Variants in CDC14B observed in about 807,000 individuals in gnomAD.
CDC14B encodes cell division cycle 14B, also known as dual specificity protein phosphatase CDC14B.
CDC14B carries 22 observed loss-of-function variants against 64.2 expected under a neutral mutation model. That is an observed-to-expected ratio of 0.34 (90% CI 0.24 to 0.49). The LOEUF is 0.49. CDC14B is among the 20% of genes least tolerant of loss of function. The pLI, the probability that CDC14B is intolerant of heterozygous loss-of-function variation, is 0.99. For missense variants in CDC14B, 498 were observed against 629.9 expected, an observed-to-expected ratio of 0.79 and a Z score of 2.24; for synonymous variants, 191 against 215.8, an observed-to-expected ratio of 0.89 and a Z score of 1.01.
chr9:96,593,365 T>C (rs776320598), intron 1 of CDC14B, among the ~76,000 whole-genome samples: 6 of 151,846 alleles, frequency 4.0e-5, no homozygotes, highest in Non-Finnish European at 8.8e-5. Context: ...TGCACACCTG[T>C]AGTACCAGCT....
At chr9:96,511,712 G>A (rs1167185283) in intron 12 of CDC14B, among the ~76,000 whole-genome samples, 1 of 152,166 alleles carries the variant, frequency 6.6e-6, no homozygotes, top group African/African-American at 2.4e-5. Flanking sequence ...TCTCACAGAG[G>A]GACATGAATC....
rs1835557026 is a variant in CDC14B at position 96,515,766 on chromosome 9, G to GC, written c.1344-5978dup. On this transcript the variant is annotated intron_variant, in intron 12 of 13. Transcript: ENST00000375241. This position sits in a 1 kb window ranked among gnomAD's most constrained non-coding sequence, Gnocchi z 4.3. ...CCACCAGATGACAACACTACACAGT[G>GC]CAGAGGTCAGCACAGCTAGGGGACA... is the stretch of plus-strand genomic sequence containing the variant. The GC allele has an allele frequency of 6.2e-7, 1 of 1,604,140 alleles. No individual in the cohort carries two copies. Among genetic ancestry groups the GC allele is most frequent in the Non-Finnish European group, 8.5e-7 (1 of 1,175,828 alleles).
intron 4 of CDC14B, among the ~76,000 whole-genome samples, 161 bp from the exon 5 acceptor site, chr9:96,552,033 T>C (rs1446537106): frequency 6.6e-6 from 1 of 152,232 alleles, no homozygotes; most frequent in Admixed American, 6.5e-5. Flanking sequence ...ATAGATTTCT[T>C]TTTTGTTTAA....
At chr9:96,579,781 A>G (rs1845032073) in intron 1 of CDC14B, among the ~76,000 whole-genome samples, 1 of 152,192 alleles carries the variant, frequency 6.6e-6, no homozygotes, top group Non-Finnish European at 1.5e-5. Context: ...TCTGTTGTCT[A>G]CACCACGCAG....
chr9:96,548,481 CACATACACACACACAT>C (rs1196275753), intron 5 of CDC14B, among the ~76,000 whole-genome samples: 2 of 152,016 alleles, frequency 1.3e-5, no homozygotes, highest in African/African-American at 4.8e-5. Context: ...ATCATATACA[CACATACACACACACAT>C]ACATACACAC....
chr9:96,569,038 C>T (rs1050070247), intron 1 of CDC14B, among the ~76,000 whole-genome samples: 2 of 152,102 alleles, frequency 1.3e-5, no homozygotes, highest in African/African-American at 2.4e-5. Context: ...TGGATGAAAT[C>T]GTAGGTAGCA....
intron 1 of CDC14B, among the ~76,000 whole-genome samples, chr9:96,581,398 G>A (rs1185733266): frequency 6.8e-6 from 1 of 146,608 alleles, no homozygotes; most frequent in Non-Finnish European, 1.5e-5. Context: ...GAGCCCAGGA[G>A]GTTGAGGCCA....
chr9:96,607,711 C>T (rs1847062850), intron 1 of CDC14B, among the ~76,000 whole-genome samples: 1 of 152,168 alleles, frequency 6.6e-6, no homozygotes, highest in South Asian at 2.1e-4. Flanking sequence ...GCGTGAGCCA[C>T]CGCGCCCGGC....
chr9:96,595,346 T>G (rs1846010014), intron 1 of CDC14B, among the ~76,000 whole-genome samples: 1 of 152,126 alleles, frequency 6.6e-6, no homozygotes, highest in Admixed American at 6.6e-5. Context: ...CTGCCAGGCA[T>G]ACAACGAAGC....
At chr9:96,585,223 TTTTAAC>T (rs1162697847) in intron 1 of CDC14B, among the ~76,000 whole-genome samples, 2 of 152,088 alleles carry the variant, frequency 1.3e-5, no homozygotes, top group South Asian at 2.1e-4. Flanking sequence ...CTTTTTTTTT[TTTTAAC>T]TTTAAGTTCT....
intron 1 of CDC14B, among the ~76,000 whole-genome samples, chr9:96,602,620 G>C (rs1001514244): frequency 2.9e-4 from 44 of 151,978 alleles, no homozygotes; most frequent in African/African-American, 1.1e-3. Context: ...ACTATCATGA[G>C]AACAGCACAG....
intron 1 of CDC14B, among the ~76,000 whole-genome samples, chr9:96,573,161 T>A (rs1214444375): frequency 6.6e-6 from 1 of 151,974 alleles, no homozygotes; most frequent in Non-Finnish European, 1.5e-5. Context: ...ATACAAAAAA[T>A]TAGCTGGGTA....
At chr9:96,519,734 A>C (rs1388765883) in intron 12 of CDC14B, among the ~76,000 whole-genome samples, 1 of 127,856 alleles carries the variant, frequency 7.8e-6, no homozygotes, top group Non-Finnish European at 1.5e-5. Context: ...CTGTCTTAAA[A>C]AAAAAAAAAA....
chr9:96,510,877 G>C (rs893723029), intron 12 of CDC14B, among the ~76,000 whole-genome samples: 2 of 152,004 alleles, frequency 1.3e-5, no homozygotes, highest in Non-Finnish European at 2.9e-5. Flanking sequence ...CAAAGTGCTG[G>C]GATTACAGGT....
intron 1 of CDC14B, among the ~76,000 whole-genome samples, chr9:96,583,114 A>C (rs1252075257): frequency 6.6e-6 from 1 of 152,156 alleles, no homozygotes; most frequent in Non-Finnish European, 1.5e-5. Context: ...TAATTCAAAT[A>C]CTGGGCATCA....
intron 9 of CDC14B, among the ~76,000 whole-genome samples, chr9:96,526,521 T>C (rs966711701): frequency 6.6e-6 from 1 of 152,172 alleles, no homozygotes; most frequent in African/African-American, 2.4e-5. Context: ...TCCAGAACTG[T>C]GAGAGAATTA....
In CDC14B at chr9:96,513,675, A is replaced by C. The variant is rs1835221526; in HGVS notation, c.1344-3886T>G. ...GAACATAAATGTCCAATTCCAAGAA[A>C]AAAATCCATCAGGGCAACTATGCAC... On this transcript the variant is annotated intron_variant, in intron 12 of 13. Transcript: ENST00000375241. Among the ~76,000 whole-genome samples, 3 of 152,218 alleles carry C rather than the reference A, an allele frequency of 2.0e-5. No homozygotes were observed. The South Asian group carries it at 6.2e-4, about 32-fold the overall frequency.
intron 1 of CDC14B, among the ~76,000 whole-genome samples, chr9:96,609,828 C>T (rs1284513441): frequency 1.3e-5 from 2 of 152,192 alleles, no homozygotes; most frequent in South Asian, 2.1e-4. Flanking sequence ...ACACTGCCAA[C>T]CAAATTTTAA....
At chr9:96,499,402 G>A (rs993768212), downstream of CDC14B, among the ~76,000 whole-genome samples, 6 of 152,222 alleles carry the variant, frequency 3.9e-5, no homozygotes, top group Admixed American at 1.3e-4. Context: ...GGCAAGGCAG[G>A]TAGAAAGCAG....
Sources: gnomAD v4.1 joint callset for allele counts (sites outside exome capture counted in the v4.1 genomes callset) on GRCh38, gnomAD v4.1.1 for gene constraint, Gnocchi (gnomAD v3.1) non-coding constraint, MANE v1.5 for transcripts, NCBI Gene and HGNC (gene_info 2026-07-23, HGNC 2026-07-21) for gene names.